Variants in MTR observed in about 807,000 individuals in gnomAD.
MTR encodes the protein methionine synthase.
A neutral mutation model predicts 154.8 loss-of-function variants in MTR; 84 were observed. The observed-to-expected ratio is 0.54, with a 90% CI of 0.45 to 0.65. The LOEUF (loss-of-function observed/expected upper bound fraction) is 0.65, where lower values mean the gene tolerates loss of function less well. Ranked by LOEUF, MTR falls within the 30% of genes least tolerant of loss-of-function variation. MTR has a pLI of 0.00. For missense variants in MTR, 1,275 were observed against 1,570.2 expected, an observed-to-expected ratio of 0.81 and a Z score of 3.18; for synonymous variants, 554 against 553.9, an observed-to-expected ratio of 1.00 and a Z score of 0.00.
chr1:236,800,125 G>A (rs2103001274), intron 1 of MTR: 1 of 985,334 alleles, frequency 1.0e-6, no homozygotes, highest in Non-Finnish European at 1.2e-6. Context: ...AAAATGAGGG[G>A]TGGAGGCACT....
chr1:236,824,305 A>C, intron 9 of MTR, 86 bp downstream of exon 9: 10 of 1,172,742 alleles, frequency 8.5e-6, no homozygotes, highest in Non-Finnish European at 1.3e-5. Context: ...TGAATAAAAG[A>C]TCTTGTTTTG....
chr1:236,875,265 T>C (rs181657568), intron 24 of MTR, among the ~76,000 whole-genome samples: 1 of 152,352 alleles, frequency 6.6e-6, no homozygotes, highest in Non-Finnish European at 1.5e-5. Context: ...CAGGTTCCTT[T>C]GAAGGAACTC....
intron 1 of MTR, among the ~76,000 whole-genome samples, chr1:236,802,234 G>A (rs922522949): frequency 3.9e-5 from 6 of 152,190 alleles, no homozygotes; most frequent in Non-Finnish European, 1.5e-5. Flanking sequence ...ATCAGGAGAT[G>A]AGACAGAGAA....
chr1:236,808,625 G>A, intron 3 of MTR, 79 bp from the exon 4 acceptor site: 1 of 1,357,226 alleles, frequency 7.4e-7, no homozygotes, highest in Non-Finnish European at 1.1e-6. Flanking sequence ...AGAAAACTGA[G>A]TATTAGATGG....
rs752764071 is a variant in MTR, at chr1:236,853,113, A to T, written c.1953+25A>T. 2.5e-6 allele frequency: 4 copies of T among 1,613,044 alleles called. No individual in the cohort carries two copies. In the African/African-American group the frequency reaches 5.3e-5, roughly 22 times the overall value. ...GGTAGAGAGACAAGTGTTCTAATAG[A>T]TGGATTTTTCCTATCTTTGAATGTA... On this transcript the variant is annotated intron_variant, in intron 18 of 32. Coordinates refer to ENST00000366577, the MANE Select transcript of MTR (RefSeq NM_000254.3).
chr1:236,872,129 ATTAAGGTAC>A (rs1169395571), intron 22 of MTR, among the ~76,000 whole-genome samples: 1 of 152,254 alleles, frequency 6.6e-6, no homozygotes, highest in Admixed American at 6.5e-5. Context: ...TCAAAATGAC[ATTAAGGTAC>A]TCTGTAAATT....
chr1:236,808,676 A>G (rs2103032542), intron 3 of MTR, 28 bp from the exon 4 acceptor site: 1 of 1,611,042 alleles, frequency 6.2e-7, no homozygotes, highest in Non-Finnish European at 8.5e-7. Context: ...AAAGAAGGAC[A>G]AGCTAACGTT....
chr1:236,868,399 A>G (rs1287643129), intron 22 of MTR, among the ~76,000 whole-genome samples: 2 of 152,222 alleles, frequency 1.3e-5, no homozygotes, highest in African/African-American at 4.8e-5. Flanking sequence ...ATGCATTGAG[A>G]AACCAAAAAA....
intron 14 of MTR, 114 bp from the exon 15 acceptor site, chr1:236,838,300 A>G (rs1663024156): frequency 9.2e-7 from 1 of 1,085,318 alleles, no homozygotes; most frequent in Non-Finnish European, 1.4e-6. Flanking sequence ...ACATACTACT[A>G]TTTTTTGTTT....
intron 19 of MTR, 146 bp downstream of exon 19, chr1:236,860,068 T>TTCC (rs1558317026): frequency 3.8e-6 from 1 of 264,046 alleles, no homozygotes; most frequent in Non-Finnish European, 7.0e-6. Context: ...GTCCCCCAGC[T>TTCC]GCCCCCCCCC....
In MTR at chr1:236,894,434, T is replaced by C; in HGVS notation, c.3282T>C (p.Arg1094=). Reference sequence around the variant, plus strand: ...TCGCTCCCTTGCATTCTGGCATCCGTGACTACCTGGGCCTGTTTGCCGTTG... The same window carrying C: ...TCGCTCCCTTGCATTCTGGCATCCGCGACTACCTGGGCCTGTTTGCCGTTG... ...DFIAPLHSGI[R]DYLGLFAVAC... Residue 1094 remains arginine, a synonymous_variant, in exon 30 of 33, where the codon CGT becomes CGC. Coordinates refer to ENST00000366577, the MANE Select transcript of MTR (RefSeq NM_000254.3). The C allele has an allele frequency of 6.2e-7, 1 of 1,614,194 alleles. No individual in the cohort carries two copies.
chr1:236,880,945 G>A, intron 25 of MTR, 109 bp downstream of exon 25: 1 of 1,117,770 alleles, frequency 8.9e-7, no homozygotes, highest in Non-Finnish European at 1.3e-6. Context: ...CTAAATAAAG[G>A]TCAAAGAGCA....
At chr1:236,848,754 G>T (rs1043908206) in intron 15 of MTR, among the ~76,000 whole-genome samples, 1 of 152,144 alleles carries the variant, frequency 6.6e-6, no homozygotes, top group African/African-American at 2.4e-5. Flanking sequence ...TAGAGGTGAA[G>T]TCTCACCCCA....
At chr1:236,853,272 C>T (rs1664024064) in intron 18 of MTR, among the ~76,000 whole-genome samples, 184 bp downstream of exon 18, 1 of 152,108 alleles carries the variant, frequency 6.6e-6, no homozygotes, top group African/African-American at 2.4e-5. Flanking sequence ...GGTAAACAGA[C>T]CATGCCTAGG....
At position 236,898,501 on chromosome 1, in the gene MTR, G is replaced by C. The variant is rs1274805976; in HGVS notation, c.*857G>C. ...AGCAAGCTCCGCCTCCTGGGTTCAT[G>C]CCATTCTCCTGCCTCAGCCTCCAGA... On this transcript the variant is annotated 3_prime_UTR_variant, in exon 33 of 33. Coordinates refer to ENST00000366577, the MANE Select transcript of MTR (RefSeq NM_000254.3). 6.6e-6 allele frequency: 1 copy of C among 151,626 alleles called. No homozygotes were observed. The highest frequency in any genetic ancestry group is 1.9e-4 in the East Asian group (1 of 5,148). 9.4% of individuals were successfully genotyped at this position (151,626 alleles called of 1,614,324 possible). A position where few individuals can be genotyped will look rare whatever the true frequency, so the allele number is the denominator to read the frequency against.
At chr1:236,814,343 GGA>G (rs1449661011) in intron 6 of MTR, among the ~76,000 whole-genome samples, 1 of 152,146 alleles carries the variant, frequency 6.6e-6, no homozygotes, top group Non-Finnish European at 1.5e-5. Context: ...ATATACATCT[GGA>G]GAGAGTCACG....
At chr1:236,822,016 CATT>C (rs1390369670) in intron 8 of MTR, among the ~76,000 whole-genome samples, 2 of 152,092 alleles carry the variant, frequency 1.3e-5, no homozygotes, top group African/African-American at 4.8e-5. Flanking sequence ...TTTTTTCTCT[CATT>C]ATTGTGTTGG....
At chr1:236,815,691 A>T (rs759633145) in intron 7 of MTR, 28 bp downstream of exon 7, 1 of 1,396,988 alleles carries the variant, frequency 7.2e-7, no homozygotes, top group South Asian at 1.2e-5. Context: ...TGCACAATAC[A>T]TTCTTTTATT....
chr1:236,873,680 G>A, intron 22 of MTR, 93 bp from the exon 23 acceptor site: 1 of 1,000,072 alleles, frequency 1.0e-6, no homozygotes, highest in Non-Finnish European at 1.6e-6. Context: ...TTACATTAGA[G>A]CAGTATTTAA....
Sources: gnomAD v4.1 joint callset for allele counts (sites outside exome capture counted in the v4.1 genomes callset) on GRCh38, gnomAD v4.1.1 for gene constraint, MANE v1.5 for transcripts, NCBI Gene and HGNC (gene_info 2026-07-23, HGNC 2026-07-21) for gene names.